Variants in PRIM2 observed in about 807,000 individuals in gnomAD.
PRIM2 encodes DNA primase subunit 2.
PRIM2 carries 39 observed loss-of-function variants against 67.3 expected under a neutral mutation model. The ratio of observed to expected loss-of-function variants is 0.58; its 90% CI spans 0.45 to 0.76. The LOEUF (loss-of-function observed/expected upper bound fraction) is 0.76. Among genes scored for constraint, PRIM2 ranks in the 30% least tolerant of loss-of-function variants. The pLI is 0.00. For missense variants in PRIM2, 398 were observed against 598.7 expected (o/e 0.66, Z 3.50); for synonymous variants, 143 against 198.7 (o/e 0.72, Z 2.36).
At position 57,578,386 on chromosome 6, in the gene PRIM2, C is replaced by G. The variant is rs1244646367; in HGVS notation, c.1021-22707C>G. ...GTCATCCCTCCATGGATCTTGCCTG[C>G]AAGTATCATCACTAAGGTGCTCTAA... On this transcript the variant is annotated intron_variant, in intron 10 of 13. Coordinates refer to ENST00000615550, the MANE Select transcript of PRIM2 (RefSeq NM_000947.5). Among the ~76,000 whole-genome samples, 24 of 152,216 alleles carry G rather than the reference C, an allele frequency of 1.6e-4. No homozygotes were observed. In the South Asian group the frequency reaches 5.0e-3, roughly 32 times the overall value.
the PRIM2 span, among the ~76,000 whole-genome samples, chr6:57,249,175 G>A: frequency 1.3e-5 from 2 of 152,136 alleles, no homozygotes; most frequent in Admixed American, 6.5e-5. Flanking sequence ...TCTAGGATGT[G>A]ACATGCTTAA....
At chr6:57,539,219 T>C (rs1469488449) in intron 10 of PRIM2, among the ~76,000 whole-genome samples, 4 of 152,278 alleles carry the variant, frequency 2.6e-5, no homozygotes, top group Non-Finnish European at 5.9e-5. Flanking sequence ...ATATGAAAAA[T>C]ACAGAAAAAT....
At chr6:57,403,353 T>G (rs185352659) in intron 7 of PRIM2, among the ~76,000 whole-genome samples, 1 of 148,918 alleles carries the variant, frequency 6.7e-6, no homozygotes, top group African/African-American at 2.5e-5. Flanking sequence ...GCCTCCCGGG[T>G]TCACACCATT....
At chr6:57,301,579 A>C in the PRIM2 span, among the ~76,000 whole-genome samples, 1 of 152,218 alleles carries the variant, frequency 6.6e-6, no homozygotes, top group Non-Finnish European at 1.5e-5. Flanking sequence ...AGGCAGGCGG[A>C]TCACTTGAGG....
intron 11 of PRIM2, among the ~76,000 whole-genome samples, chr6:57,601,978 C>G (rs1776475840): frequency 6.6e-6 from 1 of 151,914 alleles, no homozygotes; most frequent in East Asian, 1.9e-4. Flanking sequence ...AATGCCTATA[C>G]ATTCATTAGT....
the PRIM2 span, among the ~76,000 whole-genome samples, chr6:57,229,785 T>C: frequency 6.6e-6 from 1 of 152,194 alleles, no homozygotes; most frequent in Non-Finnish European, 1.5e-5. Context: ...CCACTGTGCC[T>C]GGCCTGCATT....
intron 5 of PRIM2, among the ~76,000 whole-genome samples, chr6:57,338,718 G>T (rs1265146669): frequency 2.9e-5 from 4 of 137,704 alleles, no homozygotes; most frequent in Non-Finnish European, 4.7e-5. Flanking sequence ...AATAATAAGA[G>T]CTATCTATGA....
At chr6:57,483,065 G>A (rs1290747676) in intron 7 of PRIM2, among the ~76,000 whole-genome samples, 32 of 151,966 alleles carry the variant, frequency 2.1e-4, no homozygotes, top group African/African-American at 6.0e-4. Flanking sequence ...GTGACACCAC[G>A]CCTGGCTAAT....
At chr6:57,555,468 C>T (rs1354201030) in intron 10 of PRIM2, among the ~76,000 whole-genome samples, 1 of 152,150 alleles carries the variant, frequency 6.6e-6, no homozygotes, top group Non-Finnish European at 1.5e-5. Flanking sequence ...TTAGTAGAGA[C>T]AGAGTTTTAC....
chr6:57,332,013 T>C (rs1231918876), intron 5 of PRIM2, among the ~76,000 whole-genome samples: 23 of 151,946 alleles, frequency 1.5e-4, no homozygotes, highest in Non-Finnish European at 5.9e-5. Context: ...AGATATTTTT[T>C]CTTTTTATAT....
chr6:57,362,385 T>C lies in PRIM2; in HGVS notation c.460-17516T>C, dbSNP rs575940972. Among the ~76,000 whole-genome samples, 5 of 152,324 alleles carry C rather than the reference T, an allele frequency of 3.3e-5. No individual in the cohort carries two copies. In the South Asian group the frequency reaches 6.2e-4, roughly 19 times the overall value. ...TGGAATTTATTTTTCCTTACTCTTA[T>C]TGCTTGAATAAACGTGGCTGCATCA... is the stretch of plus-strand genomic sequence containing the variant. On this transcript the variant is annotated intron_variant, in intron 5 of 13. Transcript: ENST00000615550.
the PRIM2 span, among the ~76,000 whole-genome samples, chr6:57,276,888 CA>C: frequency 6.1e-4 from 79 of 129,114 alleles, no homozygotes; most frequent in Admixed American, 6.3e-4. Flanking sequence ...GACCCTGCCT[CA>C]AAAAAAAAAA....
intron 5 of PRIM2, among the ~76,000 whole-genome samples, chr6:57,375,258 TGA>T (rs1769722522): frequency 6.6e-6 from 1 of 152,220 alleles, no homozygotes; most frequent in African/African-American, 2.4e-5. Flanking sequence ...CCCAGTTTAT[TGA>T]GAGTTTTTAA....
At chr6:57,237,642 A>G in the PRIM2 span, among the ~76,000 whole-genome samples, 1 of 152,196 alleles carries the variant, frequency 6.6e-6, no homozygotes, top group Non-Finnish European at 1.5e-5. Context: ...ATGGCTAGCC[A>G]GTTTTCCCAG....
chr6:57,297,121 T>G, the PRIM2 span, among the ~76,000 whole-genome samples: 2 of 152,282 alleles, frequency 1.3e-5, no homozygotes, highest in African/African-American at 2.4e-5. Context: ...AGTAGAATTC[T>G]AATTCACAAA....
At chr6:57,255,425 G>A in the PRIM2 span, among the ~76,000 whole-genome samples, 1 of 151,612 alleles carries the variant, frequency 6.6e-6, no homozygotes, top group African/African-American at 2.4e-5. Context: ...GTGAACCCGG[G>A]AGGCAGAGCT....
chr6:57,348,223 T>C (rs1277813865), intron 5 of PRIM2, among the ~76,000 whole-genome samples: 2 of 152,222 alleles, frequency 1.3e-5, no homozygotes, highest in Non-Finnish European at 2.9e-5. Flanking sequence ...TCTTCTCTGC[T>C]ACCTTTTGTT....
chr6:57,539,000 G>A (rs1293719779), intron 10 of PRIM2, among the ~76,000 whole-genome samples: 2 of 152,116 alleles, frequency 1.3e-5, no homozygotes, highest in Non-Finnish European at 2.9e-5. Context: ...GCTCGTGTGT[G>A]TAGCTATATA....
intron 13 of PRIM2, among the ~76,000 whole-genome samples, chr6:57,642,295 G>T (rs1169250477): frequency 2.6e-5 from 4 of 151,992 alleles, no homozygotes; most frequent in Non-Finnish European, 5.9e-5. Context: ...GTTGGTGGGC[G>T]CAGCAAACCA....
Sources: allele counts gnomAD v4.1 joint callset (sites outside exome capture counted in the v4.1 genomes callset), GRCh38; gene constraint gnomAD v4.1.1; transcripts MANE v1.5; gene names NCBI Gene and HGNC (gene_info 2026-07-23, HGNC 2026-07-21).